Variants in JAK1 observed in about 807,000 individuals in gnomAD.
The protein encoded by JAK1 is Janus kinase 1.
In JAK1, 16 loss-of-function variants were observed where a neutral mutation model predicts 136.6. The ratio of observed to expected loss-of-function variants is 0.12; its 90% CI spans 0.08 to 0.18. The LOEUF is 0.18. Among genes scored for constraint, JAK1 ranks in the 10% least tolerant of loss-of-function variants. The pLI is 1.00. For missense variants in JAK1, 859 were observed against 1,450.1 expected, an observed-to-expected ratio of 0.59 and a Z score of 6.62; for synonymous variants, 492 against 519.5, an observed-to-expected ratio of 0.95 and a Z score of 0.72.
intron 1 of JAK1, among the ~76,000 whole-genome samples, chr1:65,060,511 G>A (rs1647744702): frequency 6.6e-6 from 1 of 152,018 alleles, no homozygotes; most frequent in African/African-American, 2.4e-5. Flanking sequence ...CACTCTACTA[G>A]CCATCACCAA....
chr1:65,043,773 A>G (rs1647158135), intron 2 of JAK1, among the ~76,000 whole-genome samples: 1 of 142,746 alleles, frequency 7.0e-6, no homozygotes, highest in African/African-American at 2.6e-5. Context: ...CCCAGGCTGG[A>G]GTGCAGTGGC....
intron 2 of JAK1, among the ~76,000 whole-genome samples, chr1:65,038,280 C>T (rs913096718): frequency 5.3e-5 from 8 of 149,974 alleles, no homozygotes; most frequent in Non-Finnish European, 8.8e-5. Flanking sequence ...CTCACTGCAA[C>T]CTCTGCCTCC....
Position 65,008,616 on chromosome 1 carries a change from C to T in JAK1, c.-78+35864G>A, listed in dbSNP as rs1165930355. On this transcript the variant is annotated intron_variant, in intron 2 of 25. Transcript: ENST00000671954. Reference sequence around the variant, plus strand: ...CAGGTTCATATAATAAGTCCTGCTCCCCTTCCCCTTCCCCTTCCCCTTCCC... The same window carrying T: ...CAGGTTCATATAATAAGTCCTGCTCTCCTTCCCCTTCCCCTTCCCCTTCCC... Among the ~76,000 whole-genome samples, 3 of 141,880 alleles carry T rather than the reference C, an allele frequency of 2.1e-5. No individual in the cohort carries two copies. In the Admixed American group the frequency reaches 2.3e-4, roughly 11 times the overall value. The allele number at this position is 141,880 out of a possible 152,430, so 93.1% of individuals were successfully genotyped here.
At chr1:64,999,762 G>A (rs373641621) in intron 2 of JAK1, among the ~76,000 whole-genome samples, 1 of 150,978 alleles carries the variant, frequency 6.6e-6, no homozygotes, top group Admixed American at 6.6e-5. Flanking sequence ...AAAGTCTACT[G>A]GTTCTTCAGG....
intron 1 of JAK1, among the ~76,000 whole-genome samples, chr1:65,059,457 T>C (rs1223485205): frequency 6.6e-6 from 1 of 152,232 alleles, no homozygotes; most frequent in Non-Finnish European, 1.5e-5. Context: ...GTGCTAAGAA[T>C]GTACTCAAAT....
chr1:64,950,100 C>T (rs1646055829), intron 1 of JAK1, among the ~76,000 whole-genome samples: 2 of 151,998 alleles, frequency 1.3e-5, no homozygotes, highest in South Asian at 2.1e-4. Context: ...ATAACAGCTT[C>T]GTGTAGGAGT....
chr1:64,864,646 A>G, intron 8 of JAK1, 141 bp downstream of exon 8: 2 of 638,968 alleles, frequency 3.1e-6, no homozygotes, highest in East Asian at 5.6e-5. Context: ...CCTTGGTAAT[A>G]GGAACTTTTT....
intron 1 of JAK1, among the ~76,000 whole-genome samples, chr1:64,906,377 T>C (rs575907089): frequency 3.5e-4 from 53 of 151,654 alleles, no homozygotes; most frequent in Non-Finnish European, 5.9e-4. Flanking sequence ...CCATCATCTA[T>C]ATAAAAAGCA....
chr1:64,907,667 C>A (rs962400014), intron 1 of JAK1, among the ~76,000 whole-genome samples: 10 of 152,032 alleles, frequency 6.6e-5, no homozygotes, highest in African/African-American at 2.4e-4. Flanking sequence ...AACAAACCTG[C>A]ACATGTACCC....
At chr1:64,891,663 G>A (rs1447899193) in intron 1 of JAK1, among the ~76,000 whole-genome samples, 1 of 152,164 alleles carries the variant, frequency 6.6e-6, no homozygotes, top group Non-Finnish European at 1.5e-5. Context: ...TTGCTACTGG[G>A]ACCCCACTGC....
At chr1:64,937,467 T>C (rs1645809908) in intron 1 of JAK1, among the ~76,000 whole-genome samples, 4 of 152,328 alleles carry the variant, frequency 2.6e-5, no homozygotes, top group African/African-American at 4.8e-5. Flanking sequence ...GAGCATCTTT[T>C]ACCTTTGCTA....
rs908650942 is a variant in JAK1, at chr1:64,891,588, C to T, written c.-77-5247G>A. Among the ~76,000 whole-genome samples the T allele has an allele frequency of 2.0e-5, 3 of 152,176 alleles. No individual in the cohort carries two copies. The South Asian group carries it at 6.2e-4, about 32-fold the overall frequency. On this transcript the variant is annotated intron_variant, in intron 1 of 24. Transcript: ENST00000342505. ...AAGCCTCCTAACAGCCTAACCTACACAACAAGCCAGGGAAACTGCCAGTGG... is the reference window on the plus strand; with the variant it reads ...AAGCCTCCTAACAGCCTAACCTACATAACAAGCCAGGGAAACTGCCAGTGG...
chr1:64,983,404 T>C (rs1646568316), intron 2 of JAK1, among the ~76,000 whole-genome samples: 1 of 152,122 alleles, frequency 6.6e-6, no homozygotes, highest in Non-Finnish European at 1.5e-5. Flanking sequence ...TAATAATCGT[T>C]CAGAAAAAAA....
chr1:65,043,842 C>T (rs1433072687), intron 2 of JAK1, among the ~76,000 whole-genome samples: 1 of 151,996 alleles, frequency 6.6e-6, no homozygotes, highest in Non-Finnish European at 1.5e-5. Context: ...CTGCCTCAGC[C>T]TCCCAAGTAG....
At chr1:64,884,123 T>C (rs1261488999) in intron 2 of JAK1, among the ~76,000 whole-genome samples, 1 of 152,112 alleles carries the variant, frequency 6.6e-6, no homozygotes, top group Non-Finnish European at 1.5e-5. Context: ...CGGCAGGACT[T>C]TGACGCAGCA....
At chr1:64,938,070 C>T (rs1280486174) in intron 1 of JAK1, among the ~76,000 whole-genome samples, 2 of 151,800 alleles carry the variant, frequency 1.3e-5, no homozygotes, top group African/African-American at 2.4e-5. Flanking sequence ...TCAGTAGAGA[C>T]GGGGTTTCAC....
chr1:65,000,968 G>C (rs1056980854), intron 2 of JAK1, among the ~76,000 whole-genome samples: 1 of 151,756 alleles, frequency 6.6e-6, no homozygotes, highest in Non-Finnish European at 1.5e-5. Context: ...GTTTCTAAAG[G>C]GTCCTTTCCT....
intron 2 of JAK1, among the ~76,000 whole-genome samples, chr1:64,971,590 A>C: frequency 6.8e-6 from 1 of 147,218 alleles, no homozygotes; most frequent in East Asian, 2.0e-4. Flanking sequence ...ATGGAGTTTC[A>C]CTCTGTCGCC....
At chr1:64,986,198 C>G (rs565397109) in intron 2 of JAK1, 8 of 377,820 alleles carry the variant, frequency 2.1e-5, no homozygotes, top group Non-Finnish European at 3.5e-5. Flanking sequence ...CTCTGCCTCC[C>G]GGGTTCAGGC....
Sources: allele counts gnomAD v4.1 joint callset (sites outside exome capture counted in the v4.1 genomes callset), GRCh38; gene constraint gnomAD v4.1.1; transcripts MANE v1.5; gene names NCBI Gene and HGNC (gene_info 2026-07-23, HGNC 2026-07-21).